Variants in NFIB observed in about 807,000 individuals in gnomAD.
NFIB encodes the protein nuclear factor I B, also known as nuclear factor 1 B-type.
A neutral mutation model predicts 61.5 loss-of-function variants in NFIB; 11 were observed. The observed-to-expected ratio is 0.18, with a 90% confidence interval of 0.11 to 0.30. The LOEUF (loss-of-function observed/expected upper bound fraction) is 0.30, where lower values mean the gene tolerates loss of function less well. Ranked by LOEUF, NFIB falls within the 10% of genes least tolerant of loss-of-function variation. The pLI is 1.00. For missense variants in NFIB, 471 were observed against 608.9 expected, an observed-to-expected ratio of 0.77 and a Z score of 2.38; for synonymous variants, 260 against 216.5, an observed-to-expected ratio of 1.20 and a Z score of -1.76.
At chr9:14,511,409 A>C in the NFIB span, among the ~76,000 whole-genome samples, 1 of 152,024 alleles carries the variant, frequency 6.6e-6, no homozygotes, top group African/African-American at 2.4e-5. Context: ...TATAATTTTA[A>C]TTTTTATGTA....
the NFIB span, among the ~76,000 whole-genome samples, chr9:14,456,216 T>C: frequency 6.6e-6 from 1 of 152,164 alleles, no homozygotes; most frequent in East Asian, 1.9e-4. Context: ...GGCATTTTTT[T>C]TTTTTTATCA....
At chr9:14,188,581 G>T (rs1427712085) in intron 2 of NFIB, among the ~76,000 whole-genome samples, 1 of 152,226 alleles carries the variant, frequency 6.6e-6, no homozygotes, top group Non-Finnish European at 1.5e-5. Context: ...AGTTTCTGAA[G>T]AGGGTTGTAA....
At chr9:14,369,313 T>C (rs908564296) in intron 1 of NFIB, among the ~76,000 whole-genome samples, 1 of 152,254 alleles carries the variant, frequency 6.6e-6, no homozygotes, top group Non-Finnish European at 1.5e-5. Flanking sequence ...GTTCTGTGCC[T>C]TCTTTTACTA....
chr9:14,318,335 T>C (rs1245398786), upstream of NFIB, among the ~76,000 whole-genome samples: 1 of 152,186 alleles, frequency 6.6e-6, no homozygotes, highest in Non-Finnish European at 1.5e-5. Context: ...ATTTGAGCCT[T>C]TCACTACGGA....
intron 2 of NFIB, among the ~76,000 whole-genome samples, chr9:14,298,675 C>A (rs2382464): frequency 0.86 from 130,293 of 151,654 alleles, 57,609 homozygotes; most frequent in Non-Finnish European, 0.98. Context: ...GTGTAAAGGG[C>A]GGGCTTGGGC....
intron 2 of NFIB, among the ~76,000 whole-genome samples, chr9:14,225,976 AT>A (rs2052362098): frequency 6.6e-6 from 1 of 152,178 alleles, no homozygotes; most frequent in Non-Finnish European, 1.5e-5. Flanking sequence ...ATCAGGTAAA[AT>A]TTTTAACACT....
rs572995193 is a variant in NFIB, at chr9:14,087,329, G to A, written c.*980C>T. The A allele has an allele frequency of 1.4e-4, 28 of 205,660 alleles. No individual in the cohort carries two copies. In the South Asian group the frequency reaches 1.5e-3, roughly 11 times the overall value. The allele number at this position is 205,660 out of a possible 1,614,324, so 12.7% of individuals were successfully genotyped here. A position where few individuals can be genotyped will look rare whatever the true frequency, so the allele number is the denominator to read the frequency against. On this transcript the variant is annotated 3_prime_UTR_variant, in exon 11 of 11. Transcript: ENST00000380953. ...CAAAAACTGAGGGGAAAATAAATTCGTTCAAAATTATTTTAAATTCTTTTT... is the reference window on the plus strand; with the variant it reads ...CAAAAACTGAGGGGAAAATAAATTCATTCAAAATTATTTTAAATTCTTTTT...
intron 2 of NFIB, among the ~76,000 whole-genome samples, chr9:14,279,534 C>A (rs972152787): frequency 6.6e-6 from 1 of 152,144 alleles, no homozygotes; most frequent in Non-Finnish European, 1.5e-5. Flanking sequence ...AAGAAAGACC[C>A]TCAAGGCAAC....
At chr9:14,276,238 G>A (rs910887210) in intron 2 of NFIB, among the ~76,000 whole-genome samples, 1 of 152,130 alleles carries the variant, frequency 6.6e-6, no homozygotes, top group Non-Finnish European at 1.5e-5. Context: ...TTAATCCCCA[G>A]ATCTAGACTA....
At chr9:14,393,406 A>G (rs1398581781) in intron 1 of NFIB, among the ~76,000 whole-genome samples, 1 of 152,010 alleles carries the variant, frequency 6.6e-6, no homozygotes, top group Non-Finnish European at 1.5e-5. Context: ...CCTGCCCCCA[A>G]CTCAGATTGG....
intron 3 of NFIB, among the ~76,000 whole-genome samples, chr9:14,161,508 T>C (rs939016606): frequency 6.6e-6 from 1 of 151,460 alleles, no homozygotes; most frequent in Non-Finnish European, 1.5e-5. Flanking sequence ...TCCGCATATA[T>C]ATATATATTT....
the NFIB span, among the ~76,000 whole-genome samples, chr9:14,428,760 T>G: frequency 6.6e-6 from 1 of 152,172 alleles, no homozygotes; most frequent in Non-Finnish European, 1.5e-5. Flanking sequence ...GTTGAGGTAA[T>G]TCCCCCAGAT....
chr9:14,200,743 T>A (rs141906953), intron 2 of NFIB, among the ~76,000 whole-genome samples: 1 of 152,120 alleles, frequency 6.6e-6, no homozygotes, highest in East Asian at 1.9e-4. Context: ...AGACGATCCA[T>A]CCAACTTGGC....
At chr9:14,161,272 A>T (rs1242822528) in intron 3 of NFIB, among the ~76,000 whole-genome samples, 3 of 152,168 alleles carry the variant, frequency 2.0e-5, no homozygotes, top group Non-Finnish European at 4.4e-5. Context: ...TAGAAATATT[A>T]ATCATTGCAA....
At chr9:14,397,969 A>C (rs925187111) in intron 1 of NFIB, among the ~76,000 whole-genome samples, 1 of 152,106 alleles carries the variant, frequency 6.6e-6, no homozygotes, top group Non-Finnish European at 1.5e-5. Context: ...CATTTGTAGT[A>C]ATGGCCTCCA....
intron 3 of NFIB, among the ~76,000 whole-genome samples, chr9:14,171,861 A>G (rs2045599492): frequency 6.6e-6 from 1 of 152,220 alleles, no homozygotes; most frequent in Admixed American, 6.5e-5. Context: ...AAAGGTAAAC[A>G]TCTAGGAGAA....
intron 3 of NFIB, among the ~76,000 whole-genome samples, chr9:14,171,534 G>A (rs899758245): frequency 6.6e-6 from 1 of 152,108 alleles, no homozygotes; most frequent in African/African-American, 2.4e-5. Flanking sequence ...GTAACTGAGA[G>A]GTAAAAGTAA....
the NFIB span, among the ~76,000 whole-genome samples, chr9:14,418,030 C>T: frequency 1.3e-5 from 2 of 152,050 alleles, no homozygotes; most frequent in South Asian, 2.1e-4. Context: ...CCACCCACCT[C>T]GGCCTCCCAA....
Position 14,271,819 on chromosome 9 carries a change from C to T in NFIB, c.562+35170G>A, listed in dbSNP as rs547312434. Among the ~76,000 whole-genome samples the T allele has an allele frequency of 7.9e-5, 12 of 152,274 alleles. No homozygotes were observed. In the South Asian group the frequency reaches 1.4e-3, roughly 18 times the overall value. ...ATTTCACAGAGCAAAACAAAACATA[C>T]TGCCCACAATGAACGTGACCCTGTG... On this transcript the variant is annotated intron_variant, in intron 2 of 10. Coordinates refer to ENST00000380953, the MANE Select transcript of NFIB (RefSeq NM_001190737.2).
Sources: allele counts gnomAD v4.1 joint callset (sites outside exome capture counted in the v4.1 genomes callset), GRCh38; gene constraint gnomAD v4.1.1; transcripts MANE v1.5; gene names NCBI Gene and HGNC (gene_info 2026-07-23, HGNC 2026-07-21).